Variants in CDH8 observed in about 807,000 individuals in gnomAD.
CDH8 encodes cadherin 8.
Under a neutral mutation model 68.1 loss-of-function variants are expected in CDH8, and 17 were observed. That is an observed-to-expected ratio of 0.25 (90% confidence interval 0.17 to 0.37). The LOEUF is 0.37. CDH8 is among the 10% of genes least tolerant of loss of function. The pLI is 1.00. For missense variants in CDH8, 763 were observed against 999.3 expected, an observed-to-expected ratio of 0.76 and a Z score of 3.19; for synonymous variants, 372 against 365.1, an observed-to-expected ratio of 1.02 and a Z score of -0.21.
In CDH8 at chr16:61,654,106, A is replaced by T; in HGVS notation, c.1907-5T>A. The T allele has an allele frequency of 6.2e-7, 1 of 1,606,258 alleles. No homozygotes were observed. Among genetic ancestry groups the T allele is most frequent in the Non-Finnish European group, 8.5e-7 (1 of 1,175,996 alleles). ...TTACAAACAGCACCACGATGACTAG[A>T]GGAAAAATATTAAATAACAGTCAGC... On this transcript the variant is annotated splice_polypyrimidine_tract_variant and splice_region_variant and intron_variant, in intron 11 of 11. Transcript: ENST00000577390.
intron 8 of CDH8, among the ~76,000 whole-genome samples, chr16:61,739,915 A>ATATATATATATATAT (rs373723105): frequency 3.7e-5 from 4 of 109,550 alleles, no homozygotes; most frequent in Non-Finnish European, 5.3e-5. Context: ...ATATATATGT[A>ATATATATATATATAT]TTTTTTTTTT....
At chr16:61,703,712 C>G (rs1452223088) in intron 10 of CDH8, among the ~76,000 whole-genome samples, 1 of 151,922 alleles carries the variant, frequency 6.6e-6, no homozygotes, top group Non-Finnish European at 1.5e-5. Flanking sequence ...GTGGTGGCAG[C>G]GCCTGTAGTC....
intron 9 of CDH8, 104 bp downstream of exon 9, chr16:61,726,990 T>C (rs754401876): frequency 2.5e-6 from 3 of 1,222,818 alleles, no homozygotes; most frequent in Non-Finnish European, 3.5e-6. Context: ...GCCTGAGACT[T>C]TGCAGATCAT....
chr16:61,987,193 C>T lies in CDH8; in HGVS notation c.252+33959G>A, dbSNP rs145363375. On this transcript the variant is annotated intron_variant, in intron 2 of 11. Coordinates refer to ENST00000577390, the MANE Select transcript of CDH8 (RefSeq NM_001796.5). ...CACTGTGGATCATACAATTTGGAGT[C>T]TTCACTCAGTCTTTAAAATAATCCT... Among the ~76,000 whole-genome samples the T allele has an allele frequency of 8.1e-3, 1,230 of 152,134 alleles. 13 individuals are homozygous for T. Among genetic ancestry groups the T allele is most frequent in the East Asian group, 0.049 (255 of 5,154 alleles).
intron 8 of CDH8, among the ~76,000 whole-genome samples, chr16:61,728,159 T>A (rs1596906161): frequency 1.3e-5 from 2 of 151,014 alleles, no homozygotes; most frequent in African/African-American, 4.8e-5. Flanking sequence ...GGGGAAAAAA[T>A]GTTTGGCTTT....
chr16:61,739,504 AGGGTATATAT>A (rs1346015610), intron 8 of CDH8, among the ~76,000 whole-genome samples: 1 of 151,958 alleles, frequency 6.6e-6, no homozygotes, highest in Non-Finnish European at 1.5e-5. Flanking sequence ...AAGAGATTTC[AGGGTATATAT>A]GGGTTGAAAT....
rs1031571083 is a variant in CDH8, at chr16:61,791,083, G to GA, written c.1278-1602dup. ...TCAATTGTTTATTGAGAAATCATTT[G>GA]AAAAAATATATTATGAAATGAAATA... On this transcript the variant is annotated intron_variant, in intron 7 of 11. Transcript: ENST00000577390. Among the ~76,000 whole-genome samples the GA allele has an allele frequency of 8.1e-4, 123 of 151,852 alleles. 1 individual carries two copies. Among genetic ancestry groups the GA allele is most frequent in the African/African-American group, 2.8e-3 (114 of 41,436 alleles).
At chr16:61,760,220 A>G (rs915091268) in intron 8 of CDH8, among the ~76,000 whole-genome samples, 4 of 152,110 alleles carry the variant, frequency 2.6e-5, no homozygotes, top group Admixed American at 1.3e-4. Flanking sequence ...ATTGGTTACT[A>G]TTATTTTAAA....
At chr16:61,702,273 G>A (rs912843578) in intron 10 of CDH8, among the ~76,000 whole-genome samples, 4 of 152,174 alleles carry the variant, frequency 2.6e-5, no homozygotes, top group Non-Finnish European at 4.4e-5. Flanking sequence ...TTAGGAGGCT[G>A]AGGCAGGAGA....
chr16:61,823,244 G>A (rs1414129221), intron 5 of CDH8, among the ~76,000 whole-genome samples: 2 of 151,886 alleles, frequency 1.3e-5, no homozygotes, highest in African/African-American at 2.4e-5. Flanking sequence ...TACCTCAAAT[G>A]TGTCATTTTC....
chr16:61,865,379 T>C (rs1429290238), intron 3 of CDH8, among the ~76,000 whole-genome samples: 4 of 152,214 alleles, frequency 2.6e-5, no homozygotes, highest in Non-Finnish European at 5.9e-5. Context: ...AATTAAACAC[T>C]TTAGAAAATG....
chr16:61,927,819 C>T lies in CDH8; in HGVS notation c.253-26346G>A, dbSNP rs528780464. ...CATGATACTGAAGCCTCAATGTATC[C>T]ATTTCAAATATATTTGTTGAAGATA... On this transcript the variant is annotated intron_variant, in intron 2 of 11. Transcript: ENST00000577390. Among the ~76,000 whole-genome samples the T allele has an allele frequency of 2.0e-5, 3 of 152,302 alleles. No individual in the cohort carries two copies. In the East Asian group the frequency reaches 5.8e-4, roughly 29 times the overall value.
At chr16:61,999,822 G>A (rs1965865228) in intron 2 of CDH8, among the ~76,000 whole-genome samples, 1 of 151,914 alleles carries the variant, frequency 6.6e-6, no homozygotes, top group Non-Finnish European at 1.5e-5. Flanking sequence ...TAAGTCCTGG[G>A]ATACATGTGC....
intron 10 of CDH8, among the ~76,000 whole-genome samples, chr16:61,661,665 T>A (rs181228376): frequency 6.6e-6 from 1 of 151,660 alleles, no homozygotes; most frequent in African/African-American, 2.4e-5. Flanking sequence ...AATAACCTAA[T>A]TTTTCACCAT....
At chr16:61,655,823 A>C in intron 10 of CDH8, 102 bp from the exon 11 acceptor site, 1 of 1,006,178 alleles carries the variant, frequency 9.9e-7, no homozygotes, top group Non-Finnish European at 1.5e-6. Flanking sequence ...CCTCAAGACA[A>C]TCCCGACTTC....
At chr16:61,964,852 G>A (rs1276502170) in intron 2 of CDH8, among the ~76,000 whole-genome samples, 1 of 152,076 alleles carries the variant, frequency 6.6e-6, no homozygotes, top group Non-Finnish European at 1.5e-5. Context: ...ATGTGAATTT[G>A]ATTATGTCTT....
At chr16:61,826,842 T>C (rs532698240) in intron 4 of CDH8, among the ~76,000 whole-genome samples, 2 of 151,932 alleles carry the variant, frequency 1.3e-5, no homozygotes, top group East Asian at 3.9e-4. Flanking sequence ...ACTTTAATAA[T>C]AGGGCTTCCC....
intron 3 of CDH8, among the ~76,000 whole-genome samples, chr16:61,895,946 T>C (rs77492608): frequency 1.3e-5 from 2 of 152,016 alleles, no homozygotes; most frequent in East Asian, 3.9e-4. Context: ...TTATGCCACT[T>C]ACGCAAGAAG....
At chr16:61,705,458 C>T (rs1204286722) in intron 10 of CDH8, among the ~76,000 whole-genome samples, 1 of 152,154 alleles carries the variant, frequency 6.6e-6, no homozygotes, top group East Asian at 1.9e-4. Context: ...TCACCAAAGA[C>T]AGTGATGTCT....
Sources: allele counts gnomAD v4.1 joint callset (sites outside exome capture counted in the v4.1 genomes callset), GRCh38; gene constraint gnomAD v4.1.1; transcripts MANE v1.5; gene names NCBI Gene and HGNC (gene_info 2026-07-23, HGNC 2026-07-21).